Variants in LRMDA observed in about 807,000 individuals in gnomAD.
LRMDA encodes leucine-rich melanocyte differentiation-associated protein.
LRMDA carries 18 observed loss-of-function variants against 29.8 expected under a neutral mutation model. The observed-to-expected ratio is 0.60, with a 90% CI of 0.42 to 0.90. The LOEUF is 0.90. Among genes scored for constraint, LRMDA ranks in the 40% least tolerant of loss-of-function variants. The pLI, the probability that LRMDA is intolerant of heterozygous loss-of-function variation, is 0.00. For synonymous variants in LRMDA, 125 were observed against 109.4 expected (o/e 1.14, Z -0.89); for missense variants, 273 against 273.9 (o/e 1.00, Z 0.02).
chr10:76,107,339 A>G (rs984757263), intron 5 of LRMDA, among the ~76,000 whole-genome samples: 3 of 152,200 alleles, frequency 2.0e-5, no homozygotes, highest in African/African-American at 7.2e-5. Flanking sequence ...ACAAGTTCCC[A>G]GGTGATGCTG....
intron 2 of LRMDA, among the ~76,000 whole-genome samples, chr10:75,466,192 G>A (rs1053886024): frequency 2.0e-5 from 3 of 152,234 alleles, no homozygotes; most frequent in Non-Finnish European, 2.9e-5. Flanking sequence ...GCCATTGTGC[G>A]TCAGGAAGGG....
chr10:75,932,424 C>A (rs924095412), intron 2 of LRMDA, among the ~76,000 whole-genome samples: 1 of 152,024 alleles, frequency 6.6e-6, no homozygotes, highest in African/African-American at 2.4e-5. Flanking sequence ...ACCAGCCTGG[C>A]AACATGGGGA....
At chr10:76,492,954 G>A (rs906775998) in intron 6 of LRMDA, among the ~76,000 whole-genome samples, 29 of 151,962 alleles carry the variant, frequency 1.9e-4, no homozygotes, top group African/African-American at 6.8e-4. Context: ...GGGACACAGA[G>A]CCAAACCATA....
In LRMDA at chr10:76,363,166, AAAGAAAGAAAGG is replaced by A. The variant is rs1286727464; in HGVS notation, c.601+38683_601+38694del. 3.2e-3 allele frequency among the ~76,000 whole-genome samples: 84 copies of A among 25,934 alleles called. 1 individual carries two copies. The highest frequency in any genetic ancestry group is 5.7e-3 in the African/African-American group (41 of 7,188). The allele number at this position is 25,934 out of a possible 152,430, so 17.0% of individuals were successfully genotyped here. On this transcript the variant is annotated intron_variant, in intron 6 of 6. Coordinates refer to ENST00000611255, the MANE Select transcript of LRMDA (RefSeq NM_001305581.2). ...GAAAGAAAGAAAGAAAGAAAGAAAG[AAAGAAAGAAAGG>A]AGGGAGGGAGGGAGGGAGGGAGGGA... is the stretch of plus-strand genomic sequence containing the variant.
At chr10:76,089,862 A>G (rs1849201479) in intron 5 of LRMDA, among the ~76,000 whole-genome samples, 1 of 152,228 alleles carries the variant, frequency 6.6e-6, no homozygotes, top group Admixed American at 6.5e-5. Context: ...TGTATTTTAA[A>G]CCACAAACAG....
intron 2 of LRMDA, among the ~76,000 whole-genome samples, chr10:75,648,523 T>C (rs567740588): frequency 1.3e-4 from 20 of 152,156 alleles, no homozygotes; most frequent in Admixed American, 3.3e-4. Context: ...CATATGCAAA[T>C]ATGGACCACG....
At chr10:76,253,305 T>C (rs1021037110) in intron 5 of LRMDA, among the ~76,000 whole-genome samples, 1 of 152,192 alleles carries the variant, frequency 6.6e-6, no homozygotes, top group Non-Finnish European at 1.5e-5. Flanking sequence ...CAACATTTTT[T>C]TGATGTAGTT....
chr10:75,458,748 C>A (rs990873807), intron 2 of LRMDA, among the ~76,000 whole-genome samples: 1 of 152,152 alleles, frequency 6.6e-6, no homozygotes, highest in Non-Finnish European at 1.5e-5. Context: ...CCTGATGGGA[C>A]AAGCTTTCCG....
At chr10:76,146,138 G>A (rs1197168845) in intron 5 of LRMDA, among the ~76,000 whole-genome samples, 1 of 152,124 alleles carries the variant, frequency 6.6e-6, no homozygotes, top group Non-Finnish European at 1.5e-5. Flanking sequence ...GAGTAGGTGT[G>A]GTGTGGTGCT....
chr10:76,436,519 G>A (rs1842246184), intron 6 of LRMDA, among the ~76,000 whole-genome samples: 2 of 152,278 alleles, frequency 1.3e-5, no homozygotes, highest in African/African-American at 4.8e-5. Context: ...CCCTTGTGCA[G>A]GGAGGTGTGG....
intron 2 of LRMDA, among the ~76,000 whole-genome samples, chr10:75,962,258 T>C (rs1303894584): frequency 1.2e-4 from 18 of 152,306 alleles, no homozygotes; most frequent in Admixed American, 1.2e-3. Context: ...AAGTCACTTG[T>C]TTCTCTGGGC....
At chr10:75,861,735 G>A (rs79300928) in intron 2 of LRMDA, among the ~76,000 whole-genome samples, 4,239 of 152,256 alleles carry the variant, frequency 0.028, 95 homozygotes, top group East Asian at 0.1. Context: ...TCTTACTGTG[G>A]TGGCCCCCAA....
intron 2 of LRMDA, among the ~76,000 whole-genome samples, chr10:75,676,339 T>C (rs943818340): frequency 2.0e-5 from 3 of 152,252 alleles, no homozygotes; most frequent in African/African-American, 4.8e-5. Flanking sequence ...TGTTGCAGGA[T>C]GTGTGTCTTA....
chr10:75,906,584 A>C (rs1222553666), intron 2 of LRMDA, among the ~76,000 whole-genome samples: 2 of 152,214 alleles, frequency 1.3e-5, no homozygotes, highest in Non-Finnish European at 2.9e-5. Context: ...CTCTTTTACA[A>C]TCCTGTCTTG....
chr10:75,705,418 C>A (rs1842354620), intron 2 of LRMDA, among the ~76,000 whole-genome samples: 1 of 152,208 alleles, frequency 6.6e-6, no homozygotes, highest in Non-Finnish European at 1.5e-5. Flanking sequence ...TTAAAAATCT[C>A]ATCTCCAGCT....
At chr10:75,716,311 G>A (rs924144312) in intron 2 of LRMDA, among the ~76,000 whole-genome samples, 2 of 152,172 alleles carry the variant, frequency 1.3e-5, no homozygotes, top group African/African-American at 4.8e-5. Flanking sequence ...GGTCCTTGGC[G>A]ATATCATGAG....
At chr10:75,738,566 T>C (rs951652921) in intron 2 of LRMDA, among the ~76,000 whole-genome samples, 1 of 152,194 alleles carries the variant, frequency 6.6e-6, no homozygotes, top group African/African-American at 2.4e-5. Context: ...CATTGATAAA[T>C]AATCAATGAC....
At chr10:75,740,630 C>T (rs1169459235) in intron 2 of LRMDA, among the ~76,000 whole-genome samples, 3 of 152,156 alleles carry the variant, frequency 2.0e-5, no homozygotes, top group African/African-American at 2.4e-5. Context: ...CACAGAGAGG[C>T]GGAAACTGTA....
intron 2 of LRMDA, among the ~76,000 whole-genome samples, chr10:75,472,824 G>T (rs1025963164): frequency 6.6e-6 from 1 of 152,222 alleles, no homozygotes; most frequent in Non-Finnish European, 1.5e-5. Context: ...CCCTACATCT[G>T]TTCTTTGTCT....
Sources: gnomAD v4.1 joint callset for allele counts (sites outside exome capture counted in the v4.1 genomes callset) on GRCh38, gnomAD v4.1.1 for gene constraint, MANE v1.5 for transcripts, NCBI Gene and HGNC (gene_info 2026-07-23, HGNC 2026-07-21) for gene names.